ARHGEF12: variants seen among roughly 807,000 people sequenced by gnomAD.
ARHGEF12 encodes Rho guanine nucleotide exchange factor 12, also known as KMT2A/ARHGEF12 fusion protein.
In ARHGEF12, 66 loss-of-function variants were observed where a neutral mutation model predicts 211.2. The observed-to-expected ratio is 0.31, with a 90% CI of 0.26 to 0.38. The LOEUF is 0.38. ARHGEF12 is among the 10% of genes least tolerant of loss of function. ARHGEF12 has a pLI of 1.00. For synonymous variants in ARHGEF12, 592 were observed against 638.4 expected (o/e 0.93, Z 1.09); for missense variants, 1,429 against 1,869.5 (o/e 0.76, Z 4.34).
intron 11 of ARHGEF12, among the ~76,000 whole-genome samples, chr11:120,432,255 C>T (rs1038433438): frequency 1.3e-5 from 2 of 152,146 alleles, no homozygotes; most frequent in Non-Finnish European, 2.9e-5. Context: ...TGTTAATATT[C>T]CATTTGTGGT....
At chr11:120,469,911 A>G (rs574548034) in intron 30 of ARHGEF12, among the ~76,000 whole-genome samples, 28 of 152,352 alleles carry the variant, frequency 1.8e-4, no homozygotes, top group African/African-American at 6.5e-4. Context: ...CAAGCTCTGA[A>G]GGATGAGTGG....
At chr11:120,390,257 A>T (rs1481933178) in intron 1 of ARHGEF12, among the ~76,000 whole-genome samples, 2 of 152,092 alleles carry the variant, frequency 1.3e-5, no homozygotes, top group Non-Finnish European at 2.9e-5. Context: ...AATTTAACAG[A>T]TTTGGCAAGT....
At chr11:120,425,498 G>A (rs1436810293) in intron 7 of ARHGEF12, among the ~76,000 whole-genome samples, 1 of 151,504 alleles carries the variant, frequency 6.6e-6, no homozygotes, top group East Asian at 1.9e-4. Flanking sequence ...TAGAGACAGG[G>A]TTTTGCTGTG....
intron 1 of ARHGEF12, among the ~76,000 whole-genome samples, chr11:120,383,648 C>T (rs1405842500): frequency 6.6e-6 from 1 of 152,108 alleles, no homozygotes; most frequent in Non-Finnish European, 1.5e-5. Context: ...TGCCACTGAT[C>T]TGACAGAAGT....
chr11:120,359,134 A>G (rs1044764077), intron 1 of ARHGEF12, among the ~76,000 whole-genome samples: 3 of 152,152 alleles, frequency 2.0e-5, no homozygotes, highest in African/African-American at 7.2e-5. Context: ...AAGTCACACT[A>G]CATCATTTCT....
intron 1 of ARHGEF12, among the ~76,000 whole-genome samples, chr11:120,360,635 C>T (rs983714633): frequency 2.0e-5 from 3 of 152,120 alleles, no homozygotes; most frequent in Non-Finnish European, 4.4e-5. Flanking sequence ...TCAAGCGATC[C>T]GCCTACCTCG....
intron 37 of ARHGEF12, among the ~76,000 whole-genome samples, chr11:120,478,672 G>A (rs1401250221): frequency 6.6e-6 from 1 of 152,172 alleles, no homozygotes; most frequent in African/African-American, 2.4e-5. Context: ...CTTTGGCTGG[G>A]GAGAACCACT....
intron 1 of ARHGEF12, among the ~76,000 whole-genome samples, chr11:120,396,909 C>T (rs1944407608): frequency 6.6e-6 from 1 of 152,146 alleles, no homozygotes; most frequent in South Asian, 2.1e-4. Flanking sequence ...ATTAGGACTG[C>T]TTTCATGTTT....
In ARHGEF12 at chr11:120,488,637, A is replaced by G. The variant is rs1003674394; in HGVS notation, c.*3560A>G. 2 of 220,642 alleles carry G rather than the reference A, an allele frequency of 9.1e-6. No individual in the cohort carries two copies. The highest frequency in any genetic ancestry group is 6.6e-5 in the East Asian group (1 of 15,048). 13.7% of individuals were successfully genotyped at this position (220,642 alleles called of 1,614,324 possible). A position where few individuals can be genotyped will look rare whatever the true frequency, so the allele number is the denominator to read the frequency against. ...CCTTCCCCACCATTTCCAGGTGCCA[A>G]CTGCTAAGCAGATATATTCCAAAAA... On this transcript the variant is annotated 3_prime_UTR_variant, in exon 41 of 41. Transcript: ENST00000397843.
intron 1 of ARHGEF12, among the ~76,000 whole-genome samples, chr11:120,390,529 A>G (rs1944179560): frequency 1.3e-5 from 2 of 152,196 alleles, no homozygotes; most frequent in Admixed American, 1.3e-4. Flanking sequence ...TGAATTATCC[A>G]CTGAGCTCTG....
intron 22 of ARHGEF12, among the ~76,000 whole-genome samples, chr11:120,455,672 G>A (rs1187722810): frequency 6.6e-6 from 1 of 152,158 alleles, no homozygotes; most frequent in African/African-American, 2.4e-5. Flanking sequence ...AAGTGGCAAA[G>A]GGCAATTCTA....
intron 1 of ARHGEF12, among the ~76,000 whole-genome samples, chr11:120,366,334 A>G (rs1007938251): frequency 6.6e-6 from 1 of 152,138 alleles, no homozygotes; most frequent in African/African-American, 2.4e-5. Flanking sequence ...CTTTATTATT[A>G]TTTAGTAGAG....
intron 22 of ARHGEF12, among the ~76,000 whole-genome samples, chr11:120,453,353 A>G (rs959257737): frequency 6.6e-6 from 1 of 152,192 alleles, no homozygotes; most frequent in Non-Finnish European, 1.5e-5. Flanking sequence ...AAAGAGAAAG[A>G]AAGTAGAGGA....
intron 36 of ARHGEF12, 141 bp downstream of exon 36, chr11:120,477,667 C>T: frequency 1.6e-6 from 1 of 638,164 alleles, no homozygotes; most frequent in South Asian, 2.4e-5. Context: ...GAGTTAGAGG[C>T]CAACCTGACC....
At chr11:120,436,607 A>C (rs1377381345) in intron 11 of ARHGEF12, among the ~76,000 whole-genome samples, 1 of 152,182 alleles carries the variant, frequency 6.6e-6, no homozygotes, top group Admixed American at 6.5e-5. Context: ...AGGGATAGAA[A>C]TGCATCTGTA....
In ARHGEF12 at chr11:120,481,274, C is replaced by T. The variant is rs1484062308; in HGVS notation, c.4252C>T (p.Leu1418Phe). ...NLRISGNYLI[L>F]DGYDPVQESS... is the part of the protein sequence containing the mutation. ...TCTATCCATAGGAAACTATTTGATC[C>T]TTGATGGCTATGACCCAGTGCAGGA... Residue 1418 changes from leucine to phenylalanine, a missense_variant, in exon 39 of 41, where the codon CTT becomes TTT. Coordinates refer to ENST00000397843, the MANE Select transcript of ARHGEF12 (RefSeq NM_015313.3). The T allele has an allele frequency of 1.4e-5, 22 of 1,613,906 alleles. No homozygotes were observed. The highest frequency in any genetic ancestry group is 2.2e-5 in the East Asian group (1 of 44,900).
chr11:120,419,168 G>A (rs1289992690), intron 4 of ARHGEF12, among the ~76,000 whole-genome samples: 1 of 151,842 alleles, frequency 6.6e-6, no homozygotes, highest in Non-Finnish European at 1.5e-5. Context: ...CACTGTGTTA[G>A]CCAGGATGGT....
At chr11:120,427,934 G>A (rs1339376541) in intron 7 of ARHGEF12, 135 bp from the exon 8 acceptor site, 2 of 632,140 alleles carry the variant, frequency 3.2e-6, no homozygotes, top group South Asian at 9.1e-5. Context: ...GAGACATGAT[G>A]TAGCAGATGA....
intron 1 of ARHGEF12, among the ~76,000 whole-genome samples, chr11:120,402,302 C>T (rs1447692006): frequency 3.3e-5 from 5 of 152,114 alleles, no homozygotes; most frequent in East Asian, 1.9e-4. Context: ...CATCGTCTTA[C>T]GATGGTTGAG....
Sources: gnomAD v4.1 joint callset for allele counts (sites outside exome capture counted in the v4.1 genomes callset) on GRCh38, gnomAD v4.1.1 for gene constraint, MANE v1.5 for transcripts, NCBI Gene and HGNC (gene_info 2026-07-23, HGNC 2026-07-21) for gene names.